The following AGMO variants were observed in gnomAD, a reference collection of about 807,000 sequenced individuals.
AGMO encodes the protein alkylglycerol monooxygenase.
AGMO carries 75 observed loss-of-function variants against 60.2 expected under a neutral mutation model. The observed-to-expected ratio is 1.25, with a 90% CI of 1.03 to 1.51. The LOEUF (loss-of-function observed/expected upper bound fraction) is 1.51. AGMO is among the 40% of genes most tolerant of loss of function. The pLI is 0.00. For missense variants in AGMO, 763 were observed against 525.5 expected, an observed-to-expected ratio of 1.45 and a Z score of -4.42; for synonymous variants, 261 against 177.1, an observed-to-expected ratio of 1.47 and a Z score of -3.76.
intron 12 of AGMO, among the ~76,000 whole-genome samples, chr7:15,348,811 C>T (rs139159841): frequency 6.6e-6 from 1 of 152,108 alleles, no homozygotes; most frequent in Non-Finnish European, 1.5e-5. Flanking sequence ...ATGAAAATCA[C>T]ATGCAAAAAT....
intron 12 of AGMO, among the ~76,000 whole-genome samples, chr7:15,253,254 AG>A: frequency 6.6e-6 from 1 of 152,324 alleles, no homozygotes; most frequent in African/African-American, 2.4e-5. Context: ...GAACAAAAAA[AG>A]TGTGCATTTC....
downstream of AGMO, among the ~76,000 whole-genome samples, chr7:15,197,679 A>G (rs1377326331): frequency 6.6e-6 from 1 of 152,216 alleles, no homozygotes; most frequent in Non-Finnish European, 1.5e-5. Flanking sequence ...CGATGTTGCC[A>G]TTCTTAGAAG....
At chr7:15,207,543 T>A (rs1048276343) in intron 12 of AGMO, among the ~76,000 whole-genome samples, 3 of 152,242 alleles carry the variant, frequency 2.0e-5, no homozygotes, top group African/African-American at 7.2e-5. Context: ...ATACACATAC[T>A]CTTGATGTTC....
intron 10 of AGMO, among the ~76,000 whole-genome samples, chr7:15,377,730 T>C (rs1252117886): frequency 1.3e-5 from 2 of 152,070 alleles, no homozygotes; most frequent in African/African-American, 4.8e-5. Flanking sequence ...CATTCAACTA[T>C]TTAAGCTCTA....
At chr7:15,376,719 T>C (rs1428518458) in intron 10 of AGMO, among the ~76,000 whole-genome samples, 1 of 152,098 alleles carries the variant, frequency 6.6e-6, no homozygotes, top group Non-Finnish European at 1.5e-5. Flanking sequence ...ATACATATTA[T>C]ACATATTTTT....
chr7:15,187,847 T>G, the AGMO span, among the ~76,000 whole-genome samples: 1 of 151,974 alleles, frequency 6.6e-6, no homozygotes, highest in Non-Finnish European at 1.5e-5. Context: ...TGTTGGTGTT[T>G]AAAGTTACTC....
chr7:15,240,583 G>C (rs1277477121), intron 12 of AGMO, among the ~76,000 whole-genome samples: 1 of 151,982 alleles, frequency 6.6e-6, no homozygotes, highest in East Asian at 1.9e-4. Flanking sequence ...CTTTCTTAAG[G>C]TTAAAAAGCA....
intron 3 of AGMO, among the ~76,000 whole-genome samples, chr7:15,503,182 G>A (rs941369030): frequency 5.9e-5 from 9 of 151,916 alleles, no homozygotes; most frequent in Non-Finnish European, 1.2e-4. Context: ...TAGATGAGAT[G>A]AGCCAGGTTA....
At chr7:15,309,279 A>G (rs973944819) in intron 12 of AGMO, among the ~76,000 whole-genome samples, 2 of 151,958 alleles carry the variant, frequency 1.3e-5, no homozygotes, top group Admixed American at 1.3e-4. Flanking sequence ...TAGGGCCAAC[A>G]TTTTTTTTCC....
At position 15,553,077 on chromosome 7, in the gene AGMO, A is replaced by C. The variant is rs2115301693; in HGVS notation, c.257+7064T>G. Among the ~76,000 whole-genome samples the C allele has an allele frequency of 2.0e-5, 3 of 150,554 alleles. No individual in the cohort carries two copies. The South Asian group carries it at 6.3e-4, about 31-fold the overall frequency. Reference sequence around the variant, plus strand: ...TCAGTAAACTATCGCAAGAACAAAAAACCAAACACCGCATATTCTCACTCA... The same window carrying C: ...TCAGTAAACTATCGCAAGAACAAAACACCAAACACCGCATATTCTCACTCA... On this transcript the variant is annotated intron_variant, in intron 2 of 12. Transcript: ENST00000342526.
At position 15,223,577 on chromosome 7, in the gene AGMO, G is replaced by C. The variant is rs187904172; in HGVS notation, c.1264-22218C>G. Among the ~76,000 whole-genome samples, 48 of 151,864 alleles carry C rather than the reference G, an allele frequency of 3.2e-4. No homozygotes were observed. In the East Asian group the frequency reaches 9.1e-3, roughly 29 times the overall value. On this transcript the variant is annotated intron_variant, in intron 12 of 12. Coordinates refer to ENST00000342526, the MANE Select transcript of AGMO (RefSeq NM_001004320.2). ...TAAGGGAGAAATATTTTTTCCACAG[G>C]GATTGGGGTTAAGGCTAGACAGGAC...
intron 12 of AGMO, among the ~76,000 whole-genome samples, chr7:15,352,167 G>C (rs949374689): frequency 2.0e-5 from 3 of 152,080 alleles, no homozygotes; most frequent in African/African-American, 7.2e-5. Flanking sequence ...TAGGGGAATC[G>C]AAAGATCACC....
chr7:15,371,555 C>T (rs192272260), intron 10 of AGMO, among the ~76,000 whole-genome samples: 23 of 152,048 alleles, frequency 1.5e-4, no homozygotes, highest in African/African-American at 4.6e-4. Flanking sequence ...CTTACATACC[C>T]GACTAATTTT....
chr7:15,117,712 A>T, the AGMO span, among the ~76,000 whole-genome samples: 1 of 152,006 alleles, frequency 6.6e-6, no homozygotes, highest in East Asian at 1.9e-4. Context: ...ATAGATAGAA[A>T]TGTCCACATG....
At chr7:15,376,990 A>T (rs148494707) in intron 10 of AGMO, among the ~76,000 whole-genome samples, 2 of 152,098 alleles carry the variant, frequency 1.3e-5, no homozygotes, top group Non-Finnish European at 2.9e-5. Flanking sequence ...AAAACAAGTA[A>T]GTATTTATCT....
chr7:15,179,639 C>T, the AGMO span, among the ~76,000 whole-genome samples: 2 of 152,096 alleles, frequency 1.3e-5, no homozygotes, highest in African/African-American at 2.4e-5. Flanking sequence ...TGTAACTCTA[C>T]ATTTCTGGGG....
rs138762325 is a variant in AGMO, at chr7:15,310,075, C to T, written c.1263+55439G>A. 3.8e-3 allele frequency among the ~76,000 whole-genome samples: 573 copies of T among 152,274 alleles called. 3 individuals carry two copies. Among genetic ancestry groups the T allele is most frequent in the African/African-American group, 0.013 (552 of 41,548 alleles). ...ATTCCACTCCCAAGCTCCCCACATG[C>T]TTAGTGCCTGTTCTTTCTGGATTAG... On this transcript the variant is annotated intron_variant, in intron 12 of 12. Coordinates refer to ENST00000342526, the MANE Select transcript of AGMO (RefSeq NM_001004320.2).
At chr7:15,247,783 A>C (rs1321772116) in intron 12 of AGMO, among the ~76,000 whole-genome samples, 2 of 152,200 alleles carry the variant, frequency 1.3e-5, no homozygotes, top group African/African-American at 2.4e-5. Context: ...TGAATAAAAA[A>C]TTTCCATATA....
chr7:15,191,424 C>A, the AGMO span, among the ~76,000 whole-genome samples: 7,234 of 152,178 alleles, frequency 0.048, 224 homozygotes, highest in South Asian at 0.078. Context: ...TTACTTCAGT[C>A]TAAGATGGGC....
Sources: gnomAD v4.1 joint callset for allele counts (sites outside exome capture counted in the v4.1 genomes callset) on GRCh38, gnomAD v4.1.1 for gene constraint, MANE v1.5 for transcripts, NCBI Gene and HGNC (gene_info 2026-07-23, HGNC 2026-07-21) for gene names.